The following FAT3 variants were observed in gnomAD, a reference collection of about 807,000 sequenced individuals.
The protein encoded by FAT3 is FAT atypical cadherin 3.
In FAT3, 95 loss-of-function variants were observed where a neutral mutation model predicts 310.2. The ratio of observed to expected loss-of-function variants is 0.31; its 90% CI spans 0.26 to 0.36. The LOEUF (loss-of-function observed/expected upper bound fraction) is 0.36, where lower values mean the gene tolerates loss of function less well. Among genes scored for constraint, FAT3 ranks in the 10% least tolerant of loss-of-function variants. The pLI, the probability that FAT3 is intolerant of heterozygous loss-of-function variation, is 1.00. For missense variants in FAT3, 5,408 were observed against 5,715.6 expected, an observed-to-expected ratio of 0.95 and a Z score of 1.74; for synonymous variants, 2,314 against 2,192.9, an observed-to-expected ratio of 1.06 and a Z score of -1.54.
chr11:92,514,556 C>T (rs1953412151), intron 2 of FAT3, among the ~76,000 whole-genome samples: 1 of 152,156 alleles, frequency 6.6e-6, no homozygotes, highest in Non-Finnish European at 1.5e-5. Context: ...CTACCTGAAA[C>T]ATGCTAGAAG....
At chr11:92,535,760 T>G (rs572379462) in intron 3 of FAT3, among the ~76,000 whole-genome samples, 33 of 151,408 alleles carry the variant, frequency 2.2e-4, no homozygotes, top group African/African-American at 7.7e-4. Context: ...GTCATTGCAT[T>G]ACTATAGTCA....
chr11:92,378,121 C>G (rs532851243), intron 2 of FAT3, among the ~76,000 whole-genome samples: 1 of 152,298 alleles, frequency 6.6e-6, no homozygotes, highest in East Asian at 1.9e-4. Flanking sequence ...ATAATGTTCA[C>G]TGTGTCATTG....
At chr11:92,473,743 C>G (rs1193179945) in intron 2 of FAT3, among the ~76,000 whole-genome samples, 3 of 152,186 alleles carry the variant, frequency 2.0e-5, no homozygotes, top group Non-Finnish European at 4.4e-5. Flanking sequence ...AGCAAACCCT[C>G]TCACAGAGAA....
intron 3 of FAT3, among the ~76,000 whole-genome samples, chr11:92,580,291 T>C (rs1343239571): frequency 1.3e-5 from 2 of 152,048 alleles, no homozygotes; most frequent in Non-Finnish European, 2.9e-5. Context: ...CCCAATGTGA[T>C]ACCCAATGTC....
chr11:92,404,085 G>A (rs192794794), intron 2 of FAT3, among the ~76,000 whole-genome samples: 1 of 152,016 alleles, frequency 6.6e-6, no homozygotes, highest in East Asian at 1.9e-4. Flanking sequence ...GGGAAAAGTT[G>A]TATATCCTAC....
chr11:92,464,061 T>G (rs1951703018), intron 2 of FAT3, among the ~76,000 whole-genome samples: 1 of 152,176 alleles, frequency 6.6e-6, no homozygotes, highest in South Asian at 2.1e-4. Flanking sequence ...TGTCAGATGC[T>G]GGGGATCCAA....
At chr11:92,422,475 T>A (rs976963091) in intron 2 of FAT3, among the ~76,000 whole-genome samples, 1 of 152,152 alleles carries the variant, frequency 6.6e-6, no homozygotes, top group East Asian at 1.9e-4. Context: ...TAGTTCCTTT[T>A]CAGTAACTGA....
In FAT3 at chr11:92,798,872, G is replaced by A. The variant is rs747858661; in HGVS notation, c.5859G>A (p.Leu1953=). Residue 1953 remains leucine (L), a synonymous_variant, in exon 10 of 28, where the codon CTG becomes CTA. Coordinates refer to ENST00000525166, the MANE Select transcript of FAT3 (RefSeq NM_001367949.2). Reference sequence around the variant, plus strand: ...ACCTCTCCAAGGATCACTACATGCTGATAGTTAAGGTGTCTGATGGAAAGT... The same window carrying A: ...ACCTCTCCAAGGATCACTACATGCTAATAGTTAAGGTGTCTGATGGAAAGT... ...NNNLSKDHYM[L]IVKVSDGKFY... is the part of the protein sequence containing the mutation. 3.1e-6 allele frequency: 5 copies of A among 1,613,914 alleles called. No homozygotes were observed. The South Asian group carries it at 4.4e-5, about 14-fold the overall frequency.
chr11:92,649,880 T>C (rs1228670944), intron 3 of FAT3, among the ~76,000 whole-genome samples: 864 of 53,692 alleles, frequency 0.016, 25 homozygotes, highest in African/African-American at 0.049. Context: ...TGTTCATATA[T>C]ATATATATAT....
intron 13 of FAT3, among the ~76,000 whole-genome samples, chr11:92,816,667 C>G (rs1947833905): frequency 6.6e-6 from 1 of 152,134 alleles, no homozygotes. Flanking sequence ...GTGGAGGGAC[C>G]ACTTGGCTTT....
intron 2 of FAT3, among the ~76,000 whole-genome samples, chr11:92,476,271 G>C (rs1228100455): frequency 6.6e-6 from 1 of 152,148 alleles, no homozygotes; most frequent in Non-Finnish European, 1.5e-5. Context: ...GAAAGCAATT[G>C]ACCAGATGGA....
rs762646598 is a variant in FAT3, at chr11:92,354,452, T to A, written c.2340T>A (p.Thr780=). The A allele has an allele frequency of 1.4e-5, 22 of 1,613,874 alleles. No individual in the cohort carries two copies. Among genetic ancestry groups the A allele is most frequent in the South Asian group, 3.3e-5 (3 of 91,084 alleles). The change falls in exon 2 of 28, where the codon ACT becomes ACA. Residue 780 remains threonine (T), a synonymous_variant. Coordinates refer to ENST00000525166, the MANE Select transcript of FAT3 (RefSeq NM_001367949.2). ...GTTGCTTTAATATTGATATGGAGACTGGGCAGCTTAAAGTCCTTATGCCCA... is the reference window on the plus strand; with the variant it reads ...GTTGCTTTAATATTGATATGGAGACAGGGCAGCTTAAAGTCCTTATGCCCA... The part of the protein sequence containing the change: ...TDSCFNIDME[T]GQLKVLMPMD...
At chr11:92,473,521 C>T (rs2135159668) in intron 2 of FAT3, among the ~76,000 whole-genome samples, 1 of 152,272 alleles carries the variant, frequency 6.6e-6, no homozygotes, top group Non-Finnish European at 1.5e-5. Flanking sequence ...ACTTCACCTG[C>T]AAATGTAGTA....
intron 2 of FAT3, among the ~76,000 whole-genome samples, chr11:92,485,768 C>T (rs1046882733): frequency 4.6e-5 from 7 of 152,114 alleles, no homozygotes; most frequent in Non-Finnish European, 1.0e-4. Context: ...TGCTCAATTG[C>T]AAAGAATGAA....
chr11:92,366,347 T>G (rs1310732694), intron 2 of FAT3: 5 of 238,274 alleles, frequency 2.1e-5, no homozygotes, highest in Admixed American at 4.8e-5. Context: ...ATGGCTAAAA[T>G]GAAAATGGGA....
chr11:92,279,510 T>A (rs1419632210), intron 1 of FAT3, among the ~76,000 whole-genome samples: 5 of 152,208 alleles, frequency 3.3e-5, no homozygotes, highest in Non-Finnish European at 5.9e-5. Context: ...TTCACACATG[T>A]GTGAGTGCAT....
At chr11:92,731,204 A>G (rs1395750327) in intron 4 of FAT3, among the ~76,000 whole-genome samples, 3 of 152,144 alleles carry the variant, frequency 2.0e-5, no homozygotes, top group African/African-American at 7.2e-5. Context: ...TTACTCTCAA[A>G]CCTGTAAATA....
Position 92,246,021 on chromosome 11 carries a change from T to A in FAT3, c.-18+20847T>A, listed in dbSNP as rs143504328. Among the ~76,000 whole-genome samples the A allele has an allele frequency of 2.0e-3, 311 of 152,084 alleles. 3 individuals are homozygous for A. Among genetic ancestry groups the A allele is most frequent in the African/African-American group, 6.9e-3 (286 of 41,508 alleles). On this transcript the variant is annotated intron_variant, in intron 1 of 27. Transcript: ENST00000525166. ...AGCAGGGTGATTAAGGATGAGGAAG[T>A]GGATGAACGCTGAAAGAGGCCATTG...
chr11:92,591,595 A>G (rs1485591597), intron 3 of FAT3, among the ~76,000 whole-genome samples: 1 of 152,160 alleles, frequency 6.6e-6, no homozygotes, highest in Non-Finnish European at 1.5e-5. Flanking sequence ...CTTTCAGAAA[A>G]TGTTTTCATG....
Sources: gnomAD v4.1 joint callset for allele counts (sites outside exome capture counted in the v4.1 genomes callset) on GRCh38, gnomAD v4.1.1 for gene constraint, MANE v1.5 for transcripts, NCBI Gene and HGNC (gene_info 2026-07-23, HGNC 2026-07-21) for gene names.